Variants in RAB31 observed in about 807,000 individuals in gnomAD.
RAB31 encodes RAB31, member RAS oncogene family.
Under a neutral mutation model 25.6 loss-of-function variants are expected in RAB31, and 21 were observed. That is an observed-to-expected ratio of 0.82 (90% CI 0.58 to 1.18). The LOEUF is 1.18. Ranked by LOEUF, RAB31 falls within the 50% of genes most tolerant of loss-of-function variation. RAB31 has a pLI of 0.00. For missense variants in RAB31, 196 were observed against 250.1 expected (o/e 0.78, Z 1.46); for synonymous variants, 87 against 84.0 (o/e 1.04, Z -0.20).
chr18:9,772,008 G>A (rs897698168), intron 1 of RAB31, among the ~76,000 whole-genome samples: 6 of 152,192 alleles, frequency 3.9e-5, no homozygotes, highest in Admixed American at 2.6e-4. Flanking sequence ...TGGCGTTGAC[G>A]CTTGAGCCCT....
At chr18:9,730,833 C>T (rs1316040935) in intron 1 of RAB31, among the ~76,000 whole-genome samples, 3 of 152,194 alleles carry the variant, frequency 2.0e-5, no homozygotes, top group Admixed American at 1.3e-4. Flanking sequence ...GTAAGCCTCT[C>T]TCTTTCCTCC....
intron 1 of RAB31, among the ~76,000 whole-genome samples, chr18:9,739,380 G>C (rs755117109): frequency 1.3e-5 from 2 of 152,128 alleles, no homozygotes; most frequent in Non-Finnish European, 2.9e-5. Flanking sequence ...GCTGAGGCAG[G>C]AGAATGGCGT....
At chr18:9,806,966 T>A (rs1233992421) in intron 3 of RAB31, among the ~76,000 whole-genome samples, 6 of 152,194 alleles carry the variant, frequency 3.9e-5, no homozygotes, top group Admixed American at 1.3e-4. Flanking sequence ...ATCCAGCACT[T>A]CAAAACAGGA....
Position 9,815,299 on chromosome 18 carries a change from C to T in RAB31, c.380+77C>T, listed in dbSNP as rs113759835. 9.2e-5 allele frequency: 70 copies of T among 759,628 alleles called. 4 individuals are homozygous for T. In the African/African-American group the frequency reaches 1.3e-3, roughly 14 times the overall value. The allele number at this position is 759,628 out of a possible 1,614,324, so 47.1% of individuals were successfully genotyped here. ...TGTCATCCGTGTAGATACTGTCCTC[C>T]ATCCCTGAGTGTCATCCGTGTAGAT... On this transcript the variant is annotated intron_variant, in intron 5 of 6. Coordinates refer to ENST00000578921, the MANE Select transcript of RAB31 (RefSeq NM_006868.4).
rs147073915 is a variant in RAB31 at position 9,859,000 on chromosome 18, C to T, written c.491-228C>T. Reference sequence around the variant, plus strand: ...AGGAAACTGCTGGACTGTTCCTTACCTGAACTTCCTAAGCCCATGAATTGG... The same window carrying T: ...AGGAAACTGCTGGACTGTTCCTTACTTGAACTTCCTAAGCCCATGAATTGG... On this transcript the variant is annotated intron_variant, in intron 6 of 6. Transcript: ENST00000578921. 1.6e-3 allele frequency among the ~76,000 whole-genome samples: 244 copies of T among 152,204 alleles called. 1 individual carries two copies. Among genetic ancestry groups the T allele is most frequent in the Non-Finnish European group, 2.1e-3 (146 of 68,002 alleles).
At chr18:9,846,986 T>G (rs2068765407) in intron 6 of RAB31, among the ~76,000 whole-genome samples, 1 of 152,176 alleles carries the variant, frequency 6.6e-6, no homozygotes, top group South Asian at 2.1e-4. Flanking sequence ...TTTCTTACTC[T>G]CAACAGAATG....
intron 5 of RAB31, among the ~76,000 whole-genome samples, chr18:9,831,068 TA>T (rs2068675947): frequency 6.6e-6 from 1 of 152,194 alleles, no homozygotes; most frequent in Non-Finnish European, 1.5e-5. Flanking sequence ...AACACTGCAC[TA>T]ACTTAATTAC....
At chr18:9,751,639 G>T (rs983016715) in intron 1 of RAB31, among the ~76,000 whole-genome samples, 1 of 152,154 alleles carries the variant, frequency 6.6e-6, no homozygotes, top group Non-Finnish European at 1.5e-5. Context: ...CTCTCCAACC[G>T]CAATGGTAGA....
intron 6 of RAB31, among the ~76,000 whole-genome samples, chr18:9,846,023 A>G (rs942452533): frequency 3.9e-5 from 6 of 152,220 alleles, no homozygotes; most frequent in Non-Finnish European, 8.8e-5. Flanking sequence ...TAGACAAGGT[A>G]TAGAACTCAA....
chr18:9,838,182 A>G (rs1411066191), intron 5 of RAB31, among the ~76,000 whole-genome samples: 1 of 152,184 alleles, frequency 6.6e-6, no homozygotes, highest in Non-Finnish European at 1.5e-5. Context: ...GGTGGAATGC[A>G]TGGACGACAT....
rs1231910968 is a variant in RAB31 at position 9,816,436 on chromosome 18, A to T, written c.380+1214A>T. Among the ~76,000 whole-genome samples, 5 of 152,206 alleles carry T rather than the reference A, an allele frequency of 3.3e-5. No homozygotes were observed. The East Asian group carries it at 9.6e-4, about 29-fold the overall frequency. ...TTTTTCCATTATTATTTTCATTATG[A>T]CTACTAGCACAATTTTACTAACACT... is the stretch of plus-strand genomic sequence containing the variant. On this transcript the variant is annotated intron_variant, in intron 5 of 6. Coordinates refer to ENST00000578921, the MANE Select transcript of RAB31 (RefSeq NM_006868.4).
intron 3 of RAB31, among the ~76,000 whole-genome samples, chr18:9,799,727 C>T (rs754976220): frequency 7.2e-5 from 11 of 152,116 alleles, no homozygotes; most frequent in Non-Finnish European, 1.6e-4. Context: ...CATGGGCATC[C>T]TATCTCATTC....
chr18:9,788,918 T>C (rs2068446535), intron 2 of RAB31, among the ~76,000 whole-genome samples: 1 of 152,170 alleles, frequency 6.6e-6, no homozygotes, highest in Non-Finnish European at 1.5e-5. Context: ...TGCAGTGAGC[T>C]GAGACTGTGC....
At chr18:9,720,575 G>T (rs924003644) in intron 1 of RAB31, among the ~76,000 whole-genome samples, 4 of 151,974 alleles carry the variant, frequency 2.6e-5, no homozygotes, top group Admixed American at 2.0e-4. Context: ...TCACTTACAT[G>T]AGACACACAC....
At chr18:9,734,269 G>A (rs1385820505) in intron 1 of RAB31, among the ~76,000 whole-genome samples, 2 of 152,250 alleles carry the variant, frequency 1.3e-5, no homozygotes, top group Non-Finnish European at 2.9e-5. Context: ...TCACTATTGT[G>A]CAATTGAGAT....
intron 6 of RAB31, among the ~76,000 whole-genome samples, chr18:9,850,215 G>A (rs2299836): frequency 0.22 from 33,778 of 152,132 alleles, 4,087 homozygotes; most frequent in Middle Eastern, 0.35. Context: ...CAAGTGATCT[G>A]GGCTGGATTT....
intron 5 of RAB31, among the ~76,000 whole-genome samples, chr18:9,832,419 C>T (rs944892297): frequency 6.6e-5 from 10 of 152,178 alleles, no homozygotes; most frequent in South Asian, 2.1e-4. Flanking sequence ...GTTCACAGCA[C>T]GAAGATCATC....
rs2068447234 is a variant in RAB31 at position 9,789,050 on chromosome 18, TA to T, written c.120-3098del. The stretch of plus-strand genomic sequence containing the variant: ...TACACACTGGAATACTATTCAGCCA[TA>T]AAAAAGAATGAAATCCTGTCATTCA... On this transcript the variant is annotated intron_variant, in intron 2 of 6. Coordinates refer to ENST00000578921, the MANE Select transcript of RAB31 (RefSeq NM_006868.4). Among the ~76,000 whole-genome samples the T allele has an allele frequency of 2.0e-5, 3 of 152,034 alleles. No homozygotes were observed. The South Asian group carries it at 6.2e-4, about 31-fold the overall frequency.
chr18:9,787,877 C>T (rs2068441666), intron 2 of RAB31: 1 of 152,190 alleles, frequency 6.6e-6, no homozygotes, highest in Non-Finnish European at 1.5e-5. Flanking sequence ...GAGGCTGTCG[C>T]CCAAAGATCG....
Sources: gnomAD v4.1 joint callset for allele counts (sites outside exome capture counted in the v4.1 genomes callset) on GRCh38, gnomAD v4.1.1 for gene constraint, MANE v1.5 for transcripts, NCBI Gene and HGNC (gene_info 2026-07-23, HGNC 2026-07-21) for gene names.